Variants in SIPA1L3 observed in about 807,000 individuals in gnomAD.
The protein encoded by SIPA1L3 is signal induced proliferation associated 1 like 3.
A neutral mutation model predicts 150.1 loss-of-function variants in SIPA1L3; 59 were observed. The ratio of observed to expected loss-of-function variants is 0.39; its 90% CI spans 0.32 to 0.49. SIPA1L3 has a LOEUF of 0.49. Among genes scored for constraint, SIPA1L3 ranks in the 20% least tolerant of loss-of-function variants. The pLI is 0.86. For missense variants in SIPA1L3, 2,211 were observed against 2,489.5 expected, an observed-to-expected ratio of 0.89 and a Z score of 2.38; for synonymous variants, 1,070 against 1,077.6, an observed-to-expected ratio of 0.99 and a Z score of 0.14.
intron 1 of SIPA1L3, among the ~76,000 whole-genome samples, chr19:38,018,417 G>A (rs906319448): frequency 6.6e-6 from 1 of 152,056 alleles, no homozygotes; most frequent in Non-Finnish European, 1.5e-5. Context: ...GCCCGCCTCG[G>A]CTAGGATTAC....
At chr19:38,014,188 A>T (rs746103668) in intron 1 of SIPA1L3, among the ~76,000 whole-genome samples, 1 of 152,196 alleles carries the variant, frequency 6.6e-6, no homozygotes, top group Non-Finnish European at 1.5e-5. Context: ...GTGCTGGTAA[A>T]TGCTCACCTG....
At chr19:37,999,286 GC>G (rs1967725727) in intron 1 of SIPA1L3, among the ~76,000 whole-genome samples, 1 of 152,194 alleles carries the variant, frequency 6.6e-6, no homozygotes, top group African/African-American at 2.4e-5. Context: ...CCCTTTCACT[GC>G]TGGGCCTGGT....
chr19:37,944,614 G>A (rs181203561), intron 1 of SIPA1L3, among the ~76,000 whole-genome samples: 1 of 152,272 alleles, frequency 6.6e-6, no homozygotes, highest in Admixed American at 6.5e-5. Context: ...TTAAGTACAG[G>A]TGATCCTTGA....
At chr19:38,022,321 G>A (rs12609280) in intron 1 of SIPA1L3, among the ~76,000 whole-genome samples, 4 of 152,250 alleles carry the variant, frequency 2.6e-5, no homozygotes, top group Non-Finnish European at 4.4e-5. Flanking sequence ...CCAGCTACTC[G>A]GGAGGCTGAG....
chr19:38,037,249 C>T (rs1006508743), intron 2 of SIPA1L3, among the ~76,000 whole-genome samples: 6 of 151,602 alleles, frequency 4.0e-5, no homozygotes, highest in East Asian at 1.9e-4. Flanking sequence ...TCTGAGAGCC[C>T]GGACATGTCT....
At chr19:38,023,231 C>A (rs1346545520) in intron 1 of SIPA1L3, among the ~76,000 whole-genome samples, 1 of 152,174 alleles carries the variant, frequency 6.6e-6, no homozygotes, top group Non-Finnish European at 1.5e-5. Context: ...GCACGCCTAT[C>A]TTCTGGAGAG....
intron 1 of SIPA1L3, among the ~76,000 whole-genome samples, chr19:37,957,422 T>A (rs979310588): frequency 2.6e-5 from 4 of 152,260 alleles, no homozygotes; most frequent in African/African-American, 7.2e-5. Flanking sequence ...TGCTTCTCTG[T>A]TTATTTAGAT....
intron 16 of SIPA1L3, among the ~76,000 whole-genome samples, chr19:38,183,966 T>G (rs988821267): frequency 4.6e-5 from 7 of 152,078 alleles, no homozygotes; most frequent in Admixed American, 2.0e-4. Context: ...ATTGAGGAGC[T>G]GCGTGAGCAG....
At chr19:37,948,677 C>A (rs181804494) in intron 1 of SIPA1L3, among the ~76,000 whole-genome samples, 1 of 152,220 alleles carries the variant, frequency 6.6e-6, no homozygotes, top group East Asian at 1.9e-4. Context: ...TCAGGACAGG[C>A]ACGGCCCCCA....
At position 38,110,126 on chromosome 19, in the gene SIPA1L3, G is replaced by A; in HGVS notation, c.2134-101G>A. On this transcript the variant is annotated intron_variant, in intron 7 of 21. Transcript: ENST00000222345. ...CTTGGGCTGTGTGTGAGCAGGGAGTGGGAATGGGGGTGGGTGGGGGGAGCT... is the reference window on the plus strand; with the variant it reads ...CTTGGGCTGTGTGTGAGCAGGGAGTAGGAATGGGGGTGGGTGGGGGGAGCT... 5 of 1,142,798 alleles carry A rather than the reference G, an allele frequency of 4.4e-6. No individual in the cohort carries two copies. In the South Asian group the frequency reaches 5.5e-5, roughly 13 times the overall value. 70.8% of individuals were successfully genotyped at this position (1,142,798 alleles called of 1,614,324 possible).
rs138663531 is a variant in SIPA1L3 at position 38,117,963 on chromosome 19, T to C, written c.2292-1343T>C. 1.3e-3 allele frequency among the ~76,000 whole-genome samples: 198 copies of C among 152,246 alleles called. 1 individual carries two copies. Among genetic ancestry groups the C allele is most frequent in the African/African-American group, 4.7e-3 (194 of 41,570 alleles). On this transcript the variant is annotated intron_variant, in intron 8 of 21. Coordinates refer to ENST00000222345, the MANE Select transcript of SIPA1L3 (RefSeq NM_015073.3). The stretch of plus-strand genomic sequence containing the variant: ...ACCACACCCAGCCTCATTTTCTCTT[T>C]ACGCTCTCCTGAGTTGCTATCAGAT...
intron 2 of SIPA1L3, among the ~76,000 whole-genome samples, chr19:38,076,109 C>T (rs1969831852): frequency 6.6e-6 from 1 of 151,722 alleles, no homozygotes; most frequent in South Asian, 2.1e-4. Context: ...CACTGCACTC[C>T]AGCCTAGGCG....
At chr19:38,086,103 G>A (rs1196599770) in intron 3 of SIPA1L3, among the ~76,000 whole-genome samples, 1 of 152,110 alleles carries the variant, frequency 6.6e-6, no homozygotes, top group East Asian at 1.9e-4. Context: ...ACAGAATCTA[G>A]TAGCTGAAAA....
At chr19:38,178,163 T>C (rs1895685695) in intron 15 of SIPA1L3, among the ~76,000 whole-genome samples, 1 of 150,994 alleles carries the variant, frequency 6.6e-6, no homozygotes, top group Non-Finnish European at 1.5e-5. Context: ...TATGGGACTA[T>C]GGGCATGTGC....
At chr19:38,162,649 T>C (rs1275730991) in intron 14 of SIPA1L3, among the ~76,000 whole-genome samples, 2 of 152,194 alleles carry the variant, frequency 1.3e-5, no homozygotes, top group African/African-American at 4.8e-5. Context: ...CAGCCCCGAA[T>C]CTCAGTGACT....
chr19:38,142,752 A>G (rs756604781), intron 12 of SIPA1L3, 42 bp downstream of exon 12: 1 of 1,579,262 alleles, frequency 6.3e-7, no homozygotes, highest in South Asian at 1.1e-5. Flanking sequence ...GGATCTGATG[A>G]AAGCTGTGCC....
chr19:38,021,208 G>A (rs1276223420), intron 1 of SIPA1L3, among the ~76,000 whole-genome samples: 2 of 152,208 alleles, frequency 1.3e-5, no homozygotes, highest in African/African-American at 2.4e-5. Flanking sequence ...AGGTGTTTCA[G>A]TTAGGAATGA....
chr19:38,010,660 G>A (rs1217963547), intron 1 of SIPA1L3, among the ~76,000 whole-genome samples: 5 of 152,062 alleles, frequency 3.3e-5, no homozygotes, highest in Non-Finnish European at 7.4e-5. Flanking sequence ...GCAGTGAGCC[G>A]AGATCGCACC....
At chr19:38,154,578 GCTGAGACTA>G (rs1971899728) in intron 13 of SIPA1L3, among the ~76,000 whole-genome samples, 1 of 151,934 alleles carries the variant, frequency 6.6e-6, no homozygotes, top group African/African-American at 2.4e-5. Flanking sequence ...CTCTCAAGTA[GCTGAGACTA>G]CAGACATGCG....
Sources: gnomAD v4.1 joint callset for allele counts (sites outside exome capture counted in the v4.1 genomes callset) on GRCh38, gnomAD v4.1.1 for gene constraint, MANE v1.5 for transcripts, NCBI Gene and HGNC (gene_info 2026-07-23, HGNC 2026-07-21) for gene names.